The following SPTB variants were observed in gnomAD, a reference collection of about 807,000 sequenced individuals.
SPTB encodes the protein spectrin beta chain, erythrocytic.
SPTB carries 45 observed loss-of-function variants against 256.2 expected under a neutral mutation model. The observed-to-expected ratio is 0.18, with a 90% CI of 0.14 to 0.23. SPTB has a LOEUF of 0.23. SPTB is among the 10% of genes least tolerant of loss of function. The probability of loss-of-function intolerance (pLI) is 1.00; values close to 1 mark genes in which losing one functional copy is unlikely to be tolerated. For synonymous variants in SPTB, 1,231 were observed against 1,243.1 expected (o/e 0.99, Z 0.21); for missense variants, 2,715 against 3,040.4 (o/e 0.89, Z 2.52).
chr14:64,798,039 G>A (rs889752159), intron 9 of SPTB, among the ~76,000 whole-genome samples, 193 bp from the exon 10 acceptor site: 1 of 152,154 alleles, frequency 6.6e-6, no homozygotes. Flanking sequence ...CACCAACTGA[G>A]ATCTATTAGG....
At position 64,806,904 on chromosome 14, in the gene SPTB, G is replaced by A. The variant is rs767946103; in HGVS notation, c.149-1814C>T. Among the ~76,000 whole-genome samples the A allele has an allele frequency of 2.6e-5, 4 of 152,100 alleles. No homozygotes were observed. The highest frequency in any genetic ancestry group is 1.9e-4 in the East Asian group (1 of 5,196). On this transcript the variant is annotated intron_variant, in intron 2 of 35. Transcript: ENST00000644917. This position sits in a 1 kb window ranked among gnomAD's most constrained non-coding sequence, Gnocchi z 4.1. ...TCCTAAATACATGTAAAATTTAAAC[G>A]GCATTCATTTATTCTGGGCCTCTGT...
At chr14:64,797,873 C>T in intron 9 of SPTB, 27 bp from the exon 10 acceptor site, 1 of 1,593,706 alleles carries the variant, frequency 6.3e-7, no homozygotes, top group East Asian at 2.2e-5. Flanking sequence ...AGTAGGAAGA[C>T]TGATGTTAAG....
intron 33 of SPTB, chr14:64,752,276 C>T (rs766858562): frequency 4.5e-6 from 6 of 1,338,220 alleles, no homozygotes; most frequent in African/African-American, 1.5e-5. Flanking sequence ...CTTCATCCTC[C>T]TCTTCTGTCT....
At position 64,853,783 on chromosome 14, in the gene SPTB, T is replaced by C. The variant is rs1257561647; in HGVS notation, c.-52+26009A>G. 1.3e-5 allele frequency among the ~76,000 whole-genome samples: 2 copies of C among 152,164 alleles called. No individual in the cohort carries two copies. The highest frequency in any genetic ancestry group is 2.4e-5 in the African/African-American group (1 of 41,436). On this transcript the variant is annotated intron_variant, in intron 1 of 35. Coordinates refer to ENST00000644917, the MANE Select transcript of SPTB (RefSeq NM_001355436.2). This position sits in a 1 kb window ranked among gnomAD's most constrained non-coding sequence, Gnocchi z 4.3. Reference sequence around the variant, plus strand: ...GATGTTCTGTGCAGCCCTGAAGTGTTTGGGAACATTTCTTGTGTCTACTGG... The same window carrying C: ...GATGTTCTGTGCAGCCCTGAAGTGTCTGGGAACATTTCTTGTGTCTACTGG...
At chr14:64,834,305 T>C (rs914753307) in intron 1 of SPTB, among the ~76,000 whole-genome samples, 4 of 151,504 alleles carry the variant, frequency 2.6e-5, no homozygotes, top group Non-Finnish European at 4.4e-5. Context: ...GGGATTACAG[T>C]TGTGAGCCAC....
chr14:64,750,060 C>G lies in SPTB; in HGVS notation c.6697G>C (p.Glu2233Gln). The change falls in exon 34 of 36, where the codon GAG becomes CAG. Residue 2233 changes from glutamate to glutamine, a missense_variant. Glu to Gln is a conservative substitution (Grantham distance 29). Coordinates refer to ENST00000644917, the MANE Select transcript of SPTB (RefSeq NM_001355436.2). ...NLALGMPYHGEEPLALRHAIC... is the reference protein window; with the variant it reads ...NLALGMPYHGQEPLALRHAIC... ...GCATGTCTCAGGGCCAGGGGTTCCT[C>G]CCCATGGTAGGGCATCCCCAGGGCC... 1.2e-6 allele frequency: 2 copies of G among 1,614,194 alleles called. No individual in the cohort carries two copies. The highest frequency in any genetic ancestry group is 1.7e-6 in the Non-Finnish European group (2 of 1,180,034).
chr14:64,763,963 G>A (rs1482804969), intron 32 of SPTB: 2 of 495,402 alleles, frequency 4.0e-6, no homozygotes, highest in Admixed American at 2.0e-5. Context: ...TGTCCAGACA[G>A]GAGCAGGGGT....
Position 64,869,121 on chromosome 14 carries a change from G to A in SPTB, c.-52+10671C>T, listed in dbSNP as rs1020081502. 8.6e-5 allele frequency among the ~76,000 whole-genome samples: 13 copies of A among 151,996 alleles called. No homozygotes were observed. In the Middle Eastern group the frequency reaches 0.014, roughly 160 times the overall value. On this transcript the variant is annotated intron_variant, in intron 1 of 35. Coordinates refer to ENST00000644917, the MANE Select transcript of SPTB (RefSeq NM_001355436.2). ...ACAGTGGTTCAAAGCAAGCACTCTA[G>A]AATAAACACACATGGGTTCAAGTCC...
rs2082686490 is a variant in SPTB at position 64,792,194 on chromosome 14, C to T, written c.2667-338G>A. ...TGGGGGATGTCAATTGTCACAAGGG[C>T]CACCTTCCAGGCCTCTGCTTTTCCG... On this transcript the variant is annotated intron_variant, in intron 14 of 35. Coordinates refer to ENST00000644917, the MANE Select transcript of SPTB (RefSeq NM_001355436.2). The surrounding 1 kb of genome is among the most constrained non-coding windows in gnomAD (Gnocchi z 4.2). Among the ~76,000 whole-genome samples, 2 of 152,174 alleles carry T rather than the reference C, an allele frequency of 1.3e-5. No homozygotes were observed. The highest frequency in any genetic ancestry group is 4.8e-5 in the African/African-American group (2 of 41,442).
At position 64,858,725 on chromosome 14, in the gene SPTB, G is replaced by A. The variant is rs189472866; in HGVS notation, c.-52+21067C>T. Among the ~76,000 whole-genome samples the A allele has an allele frequency of 1.2e-4, 19 of 152,290 alleles. 1 individual carries two copies. The highest frequency in any genetic ancestry group is 2.9e-5 in the Non-Finnish European group (2 of 68,020). ...TGGACCCTGCCTGGGAGAAGGGGAA[G>A]GTGACGTCCTGGGCTACAGGAAAGG... On this transcript the variant is annotated intron_variant, in intron 1 of 35. Transcript: ENST00000644917.
Position 64,826,969 on chromosome 14 carries a change from A to C in SPTB, c.-51-3824T>G, listed in dbSNP as rs1053157580. Among the ~76,000 whole-genome samples the C allele has an allele frequency of 2.6e-5, 4 of 152,240 alleles. No homozygotes were observed. Among genetic ancestry groups the C allele is most frequent in the Non-Finnish European group, 5.9e-5 (4 of 68,044 alleles). On this transcript the variant is annotated intron_variant, in intron 1 of 35. Transcript: ENST00000644917. This position sits in a 1 kb window ranked among gnomAD's most constrained non-coding sequence, Gnocchi z 4.4. ...GAACATGTACTTATTAATGCATTTC[A>C]CAATACCACTGATGCAACCCACAGC...
Position 64,749,601 on chromosome 14 carries a change from T to C in SPTB, c.6819+53A>G. 1 of 1,611,142 alleles carries C rather than the reference T, an allele frequency of 6.2e-7. No homozygotes were observed. The highest frequency in any genetic ancestry group is 8.5e-7 in the Non-Finnish European group (1 of 1,179,528). Reference sequence around the variant, plus strand: ...GGCCTCCAGGGCAAGCGGCCTGGGGTCCTCCACCTACCCCCTTCTTAGCCA... The same window carrying C: ...GGCCTCCAGGGCAAGCGGCCTGGGGCCCTCCACCTACCCCCTTCTTAGCCA... On this transcript the variant is annotated intron_variant, in intron 35 of 35. Transcript: ENST00000644917. The surrounding 1 kb of genome is among the most constrained non-coding windows in gnomAD (Gnocchi z 4.7).
Position 64,764,770 on chromosome 14 carries a change from G to A in SPTB, c.6345+1956C>T, listed in dbSNP as rs1256794302. ...GGGGCAGGGTGCAGGGCCCTAGCCC[G>A]TGTCCGCAGTCTGTGCCGGCCCCCC... is the stretch of plus-strand genomic sequence containing the variant. On this transcript the variant is annotated intron_variant, in intron 32 of 35. Coordinates refer to ENST00000644917, the MANE Select transcript of SPTB (RefSeq NM_001355436.2). This position sits in a 1 kb window ranked among gnomAD's most constrained non-coding sequence, Gnocchi z 4.2. Among the ~76,000 whole-genome samples, 1 of 152,178 alleles carries A rather than the reference G, an allele frequency of 6.6e-6. No individual in the cohort carries two copies. The highest frequency in any genetic ancestry group is 2.1e-4 in the South Asian group (1 of 4,832).
chr14:64,769,149 C>T (rs2082239042), intron 28 of SPTB, 31 bp from the exon 29 acceptor site: 3 of 1,602,470 alleles, frequency 1.9e-6, no homozygotes, highest in Non-Finnish European at 2.6e-6. Context: ...AAAGCTCAGG[C>T]TTGGCTCACC....
In SPTB at chr14:64,786,647, G is replaced by C. The variant is rs893624840; in HGVS notation, c.3318C>G (p.Ile1106Met). 53 of 1,614,016 alleles carry C rather than the reference G, an allele frequency of 3.3e-5. No homozygotes were observed. The highest frequency in any genetic ancestry group is 4.4e-5 in the Non-Finnish European group (52 of 1,180,004). The change falls in exon 16 of 36, where the codon ATC (isoleucine) becomes ATG (methionine). Residue 1106 changes from isoleucine to methionine, a missense_variant. This residue lies in a region of SPTB where 2,239 missense variants were observed against 2,384.4 expected (regional missense o/e 0.94). Transcript: ENST00000644917. The surrounding 1 kb of genome is among the most constrained non-coding windows in gnomAD (Gnocchi z 5.6). ...CTTGGTGCCCGTCAATCTCATCCTT[G>C]ATACCTGCATGCTGCTGCAGGAGCT... ...AEQLLQQHAGIKDEIDGHQDS... is the reference protein window; with the variant it reads ...AEQLLQQHAGMKDEIDGHQDS...
At chr14:64,855,026 C>T (rs1454940597) in intron 1 of SPTB, among the ~76,000 whole-genome samples, 4 of 152,146 alleles carry the variant, frequency 2.6e-5, no homozygotes, top group South Asian at 2.1e-4. Context: ...TACGGCAACT[C>T]GCCGGAAAAC....
chr14:64,843,096 G>C (rs1241387575), intron 1 of SPTB, among the ~76,000 whole-genome samples: 1 of 152,142 alleles, frequency 6.6e-6, no homozygotes, highest in Non-Finnish European at 1.5e-5. Context: ...ACATATAGAA[G>C]TAGAAACTTT....
intron 2 of SPTB, among the ~76,000 whole-genome samples, chr14:64,821,310 T>C (rs1466196534): frequency 1.3e-5 from 2 of 152,206 alleles, no homozygotes; most frequent in African/African-American, 4.8e-5. Context: ...ACTGAATTCA[T>C]CTCTGTGGTT....
chr14:64,814,936 A>G (rs2083161700), intron 2 of SPTB, among the ~76,000 whole-genome samples: 1 of 152,178 alleles, frequency 6.6e-6, no homozygotes, highest in South Asian at 2.1e-4. Context: ...TGGAGTTTGA[A>G]GATGATAATG....
Sources: allele counts gnomAD v4.1 joint callset (sites outside exome capture counted in the v4.1 genomes callset), GRCh38; gene constraint gnomAD v4.1.1; regional missense constraint gnomAD v4.1.1; non-coding constraint Gnocchi (gnomAD v3.1); transcripts MANE v1.5; gene names NCBI Gene and HGNC (gene_info 2026-07-23, HGNC 2026-07-21).